CACNA2D4: variants seen among roughly 807,000 people sequenced by gnomAD.
CACNA2D4 encodes calcium voltage-gated channel auxiliary subunit alpha2delta 4.
Under a neutral mutation model 163.8 loss-of-function variants are expected in CACNA2D4, and 157 were observed. The ratio of observed to expected loss-of-function variants is 0.96; its 90% confidence interval spans 0.84 to 1.09. The LOEUF (loss-of-function observed/expected upper bound fraction) is 1.09, where lower values mean the gene tolerates loss of function less well. Among genes scored for constraint, CACNA2D4 ranks in the 50% least tolerant of loss-of-function variants. The pLI is 0.00. For missense variants in CACNA2D4, 1,410 were observed against 1,479.9 expected (o/e 0.95, Z 0.78); for synonymous variants, 598 against 586.9 (o/e 1.02, Z -0.27).
chr12:1,914,133 C>T (rs1363679288), intron 2 of CACNA2D4, among the ~76,000 whole-genome samples: 2 of 152,130 alleles, frequency 1.3e-5, no homozygotes, highest in African/African-American at 4.8e-5. Flanking sequence ...CATGTGGTCA[C>T]ATGCAGGCAT....
rs1336606126 is a variant in CACNA2D4, at chr12:1,795,343, T to C, written c.3265A>G (p.Lys1089Glu). ...CAGGAGTCTGGTCGCCGGCGGAGCT[T>C]CTGGGAGCGCATCCGGTCACATTTG... ...SVKCDRMRSQ[K>E]LRRRPDSCHA... The change falls in exon 37 of 38, where the codon AAG becomes GAG. Residue 1089 changes from lysine to glutamate, a missense_variant. By Grantham distance (56) the Lys-to-Glu change is moderately conservative. Coordinates refer to ENST00000382722, the MANE Select transcript of CACNA2D4 (RefSeq NM_172364.5). The C allele has an allele frequency of 6.2e-7, 1 of 1,612,714 alleles. No individual in the cohort carries two copies. Among genetic ancestry groups the C allele is most frequent in the South Asian group, 1.1e-5 (1 of 91,026 alleles).
intron 27 of CACNA2D4, among the ~76,000 whole-genome samples, chr12:1,811,341 C>T (rs536507625): frequency 1.8e-4 from 27 of 152,360 alleles, no homozygotes; most frequent in Admixed American, 1.2e-3. Context: ...TCTTGCCAGC[C>T]ATCAGGGCCT....
intron 27 of CACNA2D4, 108 bp downstream of exon 27, chr12:1,811,553 TC>T: frequency 1.7e-6 from 2 of 1,150,652 alleles, no homozygotes; most frequent in Non-Finnish European, 2.5e-6. Flanking sequence ...CGGGAGGGCA[TC>T]CTGAGAGCCT....
intron 29 of CACNA2D4, among the ~76,000 whole-genome samples, chr12:1,804,801 C>A (rs1863467938): frequency 6.6e-6 from 1 of 152,260 alleles, no homozygotes; most frequent in Non-Finnish European, 1.5e-5. Context: ...TCCAGCTATG[C>A]TGGGATCGTG....
chr12:1,835,619 T>C (rs546841479), intron 26 of CACNA2D4: 1 of 152,710 alleles, frequency 6.5e-6, no homozygotes, highest in East Asian at 1.9e-4. Flanking sequence ...TCCTCTAAAG[T>C]GGGCCAAAGT....
Position 1,792,685 on chromosome 12 carries a change from C to A in CACNA2D4, c.*970G>T, listed in dbSNP as rs1161395085. 1 of 152,090 alleles carries A rather than the reference C, an allele frequency of 6.6e-6. No individual in the cohort carries two copies. The highest frequency in any genetic ancestry group is 1.5e-5 in the Non-Finnish European group (1 of 68,034). The allele number at this position is 152,090 out of a possible 1,614,324, so 9.4% of individuals were successfully genotyped here. On this transcript the variant is annotated 3_prime_UTR_variant, in exon 38 of 38. Coordinates refer to ENST00000382722, the MANE Select transcript of CACNA2D4 (RefSeq NM_172364.5). ...GATGTGTGTGCGCTGGGGGTGAGTTCCCAGATAGAGCTTCCCTCCCAGTGG... is the reference window on the plus strand; with the variant it reads ...GATGTGTGTGCGCTGGGGGTGAGTTACCAGATAGAGCTTCCCTCCCAGTGG...
Position 1,829,833 on chromosome 12 carries a change from C to A in CACNA2D4, c.2551+10906G>T, listed in dbSNP as rs889786637. 2.6e-5 allele frequency among the ~76,000 whole-genome samples: 4 copies of A among 151,998 alleles called. No individual in the cohort carries two copies. The highest frequency in any genetic ancestry group is 7.2e-5 in the African/African-American group (3 of 41,402). ...CTGGGTGGAACTGACCTCGGCTGGG[C>A]TGACCTGGTGGGGCTGAACTATTTT... On this transcript the variant is annotated intron_variant, in intron 26 of 37. Transcript: ENST00000382722. The surrounding 1 kb of genome is among the most constrained non-coding windows in gnomAD (Gnocchi z 4.2).
At position 1,798,844 on chromosome 12, in the gene CACNA2D4, C is replaced by A. The variant is rs914979037; in HGVS notation, c.2995+831G>T. Among the ~76,000 whole-genome samples the A allele has an allele frequency of 6.6e-6, 1 of 152,172 alleles. No homozygotes were observed. The highest frequency in any genetic ancestry group is 1.5e-5 in the Non-Finnish European group (1 of 68,032). On this transcript the variant is annotated intron_variant, in intron 34 of 37. Coordinates refer to ENST00000382722, the MANE Select transcript of CACNA2D4 (RefSeq NM_172364.5). The surrounding 1 kb of genome is among the most constrained non-coding windows in gnomAD (Gnocchi z 4.3). ...CTGACACCTAGTGACTGTGAACACC[C>A]CAGAGCAGCCCCACCCGATCGCGGA... is the stretch of plus-strand genomic sequence containing the variant.
In CACNA2D4 at chr12:1,869,787, T is replaced by C. The variant is rs1865732152; in HGVS notation, c.1878+4817A>G. On this transcript the variant is annotated intron_variant, in intron 18 of 37. Coordinates refer to ENST00000382722, the MANE Select transcript of CACNA2D4 (RefSeq NM_172364.5). This position sits in a 1 kb window ranked among gnomAD's most constrained non-coding sequence, Gnocchi z 4.7. ...TCTTTGACCAAGCCCTAACCATTTC[T>C]CCGCTGAGATTCTCCATCTGTTCCC... Among the ~76,000 whole-genome samples the C allele has an allele frequency of 6.6e-6, 1 of 152,190 alleles. No individual in the cohort carries two copies. The highest frequency in any genetic ancestry group is 2.4e-5 in the African/African-American group (1 of 41,432).
intron 35 of CACNA2D4, 92 bp downstream of exon 35, chr12:1,797,326 T>G (rs2154445086): frequency 1.1e-6 from 1 of 935,620 alleles, no homozygotes; most frequent in Non-Finnish European, 1.7e-6. Flanking sequence ...GTGGAGCCGT[T>G]TCCCGGGGGT....
chr12:1,902,935 G>A (rs1381135227), intron 6 of CACNA2D4, among the ~76,000 whole-genome samples: 1 of 152,042 alleles, frequency 6.6e-6, no homozygotes, highest in Non-Finnish European at 1.5e-5. Flanking sequence ...GAACAAAACT[G>A]GAGGAGTAAC....
chr12:1,906,640 A>AGCT (rs1380494587), intron 6 of CACNA2D4, among the ~76,000 whole-genome samples: 2 of 152,174 alleles, frequency 1.3e-5, no homozygotes, highest in East Asian at 3.9e-4. Flanking sequence ...GGGGCACGTG[A>AGCT]ACTGCTGCAT....
chr12:1,828,898 A>G lies in CACNA2D4; in HGVS notation c.2551+11841T>C, dbSNP rs1379634685. 1.3e-5 allele frequency among the ~76,000 whole-genome samples: 2 copies of G among 152,180 alleles called. No homozygotes were observed. The highest frequency in any genetic ancestry group is 4.8e-5 in the African/African-American group (2 of 41,446). ...CCTGAGAATTCTCTTTATATGTGGC[A>G]AAGGGACCAGGTCAGCAAGGGCTGG... On this transcript the variant is annotated intron_variant, in intron 26 of 37. Transcript: ENST00000382722. This position sits in a 1 kb window ranked among gnomAD's most constrained non-coding sequence, Gnocchi z 4.2.
chr12:1,871,627 G>T (rs193232565), intron 18 of CACNA2D4, among the ~76,000 whole-genome samples: 290 of 151,278 alleles, frequency 1.9e-3, no homozygotes, highest in African/African-American at 6.8e-3. Context: ...GTGTGCATGT[G>T]TACACGCGTG....
At position 1,804,171 on chromosome 12, in the gene CACNA2D4, C is replaced by T. The variant is rs531232638; in HGVS notation, c.2722-2527G>A. ...TGTGTGTGTGTGTGTGTGTCCCCTC[C>T]GTCACCCCCTCACCTGACAGCAGGA... On this transcript the variant is annotated intron_variant, in intron 29 of 37. Transcript: ENST00000382722. Among the ~76,000 whole-genome samples, 5 of 143,246 alleles carry T rather than the reference C, an allele frequency of 3.5e-5. No homozygotes were observed. In the East Asian group the frequency reaches 8.1e-4, roughly 23 times the overall value. 94.0% of individuals were successfully genotyped at this position (143,246 alleles called of 152,430 possible).
In CACNA2D4 at chr12:1,907,103, A is replaced by G. The variant is rs546486188; in HGVS notation, c.781+337T>C. Among the ~76,000 whole-genome samples, 9 of 152,340 alleles carry G rather than the reference A, an allele frequency of 5.9e-5. No individual in the cohort carries two copies. In the East Asian group the frequency reaches 1.7e-3, roughly 29 times the overall value. On this transcript the variant is annotated intron_variant, in intron 6 of 37. Transcript: ENST00000382722. ...TTGGCGAGTGCGCCTCATTTTTCCA[A>G]TTGGGACATAAAGTCCTTAAGGTAA... is the stretch of plus-strand genomic sequence containing the variant.
chr12:1,810,334 C>T lies in CACNA2D4; in HGVS notation c.2665G>A (p.Asp889Asn). Residue 889 changes from aspartate (D) to asparagine (N), a missense_variant, in exon 29 of 38, where the codon GAC (aspartate) becomes AAC (asparagine). Asp to Asn is a conservative substitution (Grantham distance 23). Coordinates refer to ENST00000382722, the MANE Select transcript of CACNA2D4 (RefSeq NM_172364.5). ...CTQSCEDSDL[D>N]CFVIDNNGFI... ...CCGTTGTTGTCGATGACGAAGCAGT[C>T]CAGATCCTGGGAGGAAACCCAGAAG... is the stretch of plus-strand genomic sequence containing the variant. 1 of 1,613,842 alleles carries T rather than the reference C, an allele frequency of 6.2e-7. No homozygotes were observed. The highest frequency in any genetic ancestry group is 8.5e-7 in the Non-Finnish European group (1 of 1,179,792).
At chr12:1,840,289 C>G (rs956798496) in intron 26 of CACNA2D4, among the ~76,000 whole-genome samples, 1 of 148,662 alleles carries the variant, frequency 6.7e-6, no homozygotes, top group African/African-American at 2.4e-5. Context: ...GCTCTGCCCG[C>G]CAGCCTTTCT....
At chr12:1,816,236 G>A (rs1863866445) in intron 26 of CACNA2D4, among the ~76,000 whole-genome samples, 1 of 152,206 alleles carries the variant, frequency 6.6e-6, no homozygotes, top group Non-Finnish European at 1.5e-5. Context: ...TTGCAGACAA[G>A]CTCACACCTT....
Sources: gnomAD v4.1 joint callset for allele counts (sites outside exome capture counted in the v4.1 genomes callset) on GRCh38, gnomAD v4.1.1 for gene constraint, Gnocchi (gnomAD v3.1) non-coding constraint, MANE v1.5 for transcripts, NCBI Gene and HGNC (gene_info 2026-07-23, HGNC 2026-07-21) for gene names.